ROBO1: variants seen among roughly 807,000 people sequenced by gnomAD.
ROBO1 encodes the protein roundabout homolog 1.
In ROBO1, 149 loss-of-function variants were observed where a neutral mutation model predicts 195.9. That is an observed-to-expected ratio of 0.76 (90% confidence interval 0.67 to 0.87). The LOEUF is 0.87. ROBO1 is among the 40% of genes least tolerant of loss of function. The pLI is 0.00. For missense variants in ROBO1, 1,933 were observed against 2,068.3 expected (o/e 0.93, Z 1.27); for synonymous variants, 816 against 733.2 (o/e 1.11, Z -1.82).
chr3:79,538,795 C>T (rs1002099732), intron 2 of ROBO1, among the ~76,000 whole-genome samples: 1 of 152,052 alleles, frequency 6.6e-6, no homozygotes, highest in African/African-American at 2.4e-5. Flanking sequence ...ATGCCTAAAC[C>T]TTATTAATAA....
At chr3:78,634,780 A>C (rs1705394461) in intron 23 of ROBO1, among the ~76,000 whole-genome samples, 1 of 152,196 alleles carries the variant, frequency 6.6e-6, no homozygotes, top group African/African-American at 2.4e-5. Flanking sequence ...ATACCAATCA[A>C]GTACTTTCTT....
At chr3:79,505,024 C>A (rs1940312625) in intron 2 of ROBO1, among the ~76,000 whole-genome samples, 2 of 98,834 alleles carry the variant, frequency 2.0e-5, no homozygotes, top group South Asian at 6.7e-4. Context: ...AAGAATACCT[C>A]CCTGAAAAAA....
intron 1 of ROBO1, among the ~76,000 whole-genome samples, chr3:79,716,016 A>G (rs751250682): frequency 1.2e-4 from 19 of 152,024 alleles, no homozygotes; most frequent in Non-Finnish European, 2.5e-4. Context: ...TTCCAAGGAG[A>G]TAAACAAAAA....
At chr3:79,561,855 A>G (rs1033809470) in intron 2 of ROBO1, among the ~76,000 whole-genome samples, 5 of 152,134 alleles carry the variant, frequency 3.3e-5, no homozygotes, top group South Asian at 2.1e-4. Context: ...AAAATTCTAC[A>G]TGTCTATTAG....
intron 2 of ROBO1, among the ~76,000 whole-genome samples, chr3:79,451,578 C>T (rs1288827165): frequency 2.0e-5 from 3 of 152,164 alleles, no homozygotes; most frequent in Non-Finnish European, 4.4e-5. Context: ...AAAACTCTTA[C>T]ATCCATTTGT....
intron 4 of ROBO1, among the ~76,000 whole-genome samples, chr3:78,759,925 T>C (rs1183963059): frequency 6.6e-6 from 1 of 152,172 alleles, no homozygotes; most frequent in Non-Finnish European, 1.5e-5. Context: ...TTAGGAATGA[T>C]ATCTATGGAG....
At chr3:79,652,301 T>C (rs1946034004) in intron 1 of ROBO1, among the ~76,000 whole-genome samples, 1 of 151,512 alleles carries the variant, frequency 6.6e-6, no homozygotes, top group Non-Finnish European at 1.5e-5. Context: ...TGTCTCTCTT[T>C]TCTAAAAATT....
chr3:79,115,928 A>C (rs1434761974), intron 3 of ROBO1, among the ~76,000 whole-genome samples: 1 of 152,234 alleles, frequency 6.6e-6, no homozygotes, highest in Non-Finnish European at 1.5e-5. Flanking sequence ...GAAAGGACTG[A>C]AGATAGGCTG....
chr3:79,606,374 T>C (rs943975212), intron 1 of ROBO1, among the ~76,000 whole-genome samples: 1 of 152,030 alleles, frequency 6.6e-6, no homozygotes, highest in Non-Finnish European at 1.5e-5. Context: ...TGATAATGAA[T>C]GACCCTCTCT....
chr3:79,191,145 T>A (rs952014148), intron 2 of ROBO1, among the ~76,000 whole-genome samples: 1 of 151,624 alleles, frequency 6.6e-6, no homozygotes, highest in Non-Finnish European at 1.5e-5. Flanking sequence ...TCATCTTATT[T>A]TACTTATCTT....
intron 17 of ROBO1, among the ~76,000 whole-genome samples, chr3:78,657,638 T>C (rs1707121094): frequency 6.6e-6 from 1 of 152,246 alleles, no homozygotes; most frequent in Admixed American, 6.5e-5. Flanking sequence ...GCTGTGTCTA[T>C]GCAGATCAAG....
chr3:79,223,335 CCTT>C (rs1287672600), intron 2 of ROBO1, among the ~76,000 whole-genome samples: 3 of 152,128 alleles, frequency 2.0e-5, no homozygotes, highest in African/African-American at 7.2e-5. Flanking sequence ...TTCTGCCTCT[CCTT>C]CTCTTCTCTT....
rs575374323 is a variant in ROBO1, at chr3:79,642,202, G to A, written c.-50-52241C>T. 2.2e-4 allele frequency among the ~76,000 whole-genome samples: 33 copies of A among 152,278 alleles called. No individual in the cohort carries two copies. The South Asian group carries it at 6.8e-3, about 32-fold the overall frequency. ...AGTGAAAATAATCAGTGAGCTTGAA[G>A]ACAGATTATTTGAAAATACACAGTC... is the stretch of plus-strand genomic sequence containing the variant. On this transcript the variant is annotated intron_variant, in intron 1 of 30. Coordinates refer to ENST00000464233, the MANE Select transcript of ROBO1 (RefSeq NM_002941.4).
chr3:79,176,995 A>G (rs1348439659), intron 2 of ROBO1, among the ~76,000 whole-genome samples: 1 of 152,234 alleles, frequency 6.6e-6, no homozygotes, highest in Non-Finnish European at 1.5e-5. Flanking sequence ...TAACGGCAAG[A>G]CAATCTATAT....
chr3:78,765,350 A>G (rs1010319992), intron 4 of ROBO1, among the ~76,000 whole-genome samples: 1 of 152,026 alleles, frequency 6.6e-6, no homozygotes, highest in Non-Finnish European at 1.5e-5. Context: ...GGATGAAATG[A>G]TTATTTTAAA....
intron 1 of ROBO1, among the ~76,000 whole-genome samples, chr3:79,762,633 A>AC (rs56727083): frequency 3.2e-5 from 1 of 31,316 alleles, no homozygotes; most frequent in South Asian, 1.5e-3. Context: ...CACACACACA[A>AC]AAGCCGAGAG....
At chr3:79,616,003 C>T (rs1057478342) in intron 1 of ROBO1, among the ~76,000 whole-genome samples, 1 of 152,106 alleles carries the variant, frequency 6.6e-6, no homozygotes, top group African/African-American at 2.4e-5. Context: ...CTTGCAGTTC[C>T]ACGGAAAGAA....
At chr3:78,740,454 CTTT>C (rs2082500878) in intron 5 of ROBO1, among the ~76,000 whole-genome samples, 1 of 82,794 alleles carries the variant, frequency 1.2e-5, no homozygotes, top group African/African-American at 4.3e-5. Context: ...TTCTTTTTTT[CTTT>C]CTTTCTTTCT....
At chr3:79,748,972 G>A (rs1381271553) in intron 1 of ROBO1, among the ~76,000 whole-genome samples, 11 of 152,336 alleles carry the variant, frequency 7.2e-5, no homozygotes, top group Admixed American at 7.2e-4. Context: ...AAAAGTGGCA[G>A]TGGCTTTGCA....
Sources: gnomAD v4.1 joint callset for allele counts (sites outside exome capture counted in the v4.1 genomes callset) on GRCh38, gnomAD v4.1.1 for gene constraint, MANE v1.5 for transcripts, NCBI Gene and HGNC (gene_info 2026-07-23, HGNC 2026-07-21) for gene names.